The following PDE5A variants were observed in gnomAD, a reference collection of about 807,000 sequenced individuals.
PDE5A encodes phosphodiesterase 5A, also known as cGMP-specific 3',5'-cyclic phosphodiesterase.
In PDE5A, 67 loss-of-function variants were observed where a neutral mutation model predicts 110.2. That is an observed-to-expected ratio of 0.61 (90% CI 0.50 to 0.75). The LOEUF is 0.75. PDE5A is among the 30% of genes least tolerant of loss of function. The pLI is 0.00. For synonymous variants in PDE5A, 328 were observed against 351.2 expected, an observed-to-expected ratio of 0.93 and a Z score of 0.74; for missense variants, 862 against 1,045.1, an observed-to-expected ratio of 0.82 and a Z score of 2.42.
At chr4:119,514,981 G>A (rs1458428094) in intron 14 of PDE5A, among the ~76,000 whole-genome samples, 1 of 152,166 alleles carries the variant, frequency 6.6e-6, no homozygotes, top group Non-Finnish European at 1.5e-5. Context: ...TCTGGCTCAA[G>A]TTGGCTCTTA....
At position 119,627,024 on chromosome 4, in the gene PDE5A, A is replaced by G. The variant is rs955980625; in HGVS notation, c.152+1496T>C. 2.9e-6 allele frequency: 3 copies of G among 1,048,858 alleles called. No individual in the cohort carries two copies. Among genetic ancestry groups the G allele is most frequent in the Non-Finnish European group, 4.3e-6 (3 of 702,106 alleles). 65.0% of individuals were successfully genotyped at this position (1,048,858 alleles called of 1,614,324 possible). On this transcript the variant is annotated intron_variant, in intron 1 of 20. Coordinates refer to ENST00000354960, the MANE Select transcript of PDE5A (RefSeq NM_001083.4). This position sits in a 1 kb window ranked among gnomAD's most constrained non-coding sequence, Gnocchi z 4.6. ...AAGAATAACAACAACAACAAAAGTT[A>G]TACAGTCAATTTTCAATGATACATC...
intron 9 of PDE5A, among the ~76,000 whole-genome samples, chr4:119,550,599 A>G (rs1479785815): frequency 2.6e-5 from 4 of 152,156 alleles, no homozygotes. Context: ...AACTTCCTCC[A>G]GCCACTCCCC....
chr4:119,506,436 G>C (rs980790728), intron 16 of PDE5A, among the ~76,000 whole-genome samples: 3 of 151,764 alleles, frequency 2.0e-5, no homozygotes, highest in Admixed American at 6.6e-5. Context: ...TTGGTGTACA[G>C]TGAATACCTC....
intron 2 of PDE5A, among the ~76,000 whole-genome samples, chr4:119,603,374 A>G (rs1021057659): frequency 2.5e-5 from 2 of 78,984 alleles, no homozygotes; most frequent in African/African-American, 8.5e-5. Context: ...GGCTTAAAAT[A>G]AATACATACA....
At chr4:119,555,393 T>G (rs974603864) in intron 7 of PDE5A, among the ~76,000 whole-genome samples, 4 of 152,144 alleles carry the variant, frequency 2.6e-5, no homozygotes, top group African/African-American at 9.7e-5. Flanking sequence ...TTCATACATA[T>G]TATTTGAGTG....
At chr4:119,624,900 T>C (rs1204747832) in intron 1 of PDE5A, among the ~76,000 whole-genome samples, 1 of 152,240 alleles carries the variant, frequency 6.6e-6, no homozygotes, top group Non-Finnish European at 1.5e-5. Context: ...AGATGTGATT[T>C]ATTGGCCTCA....
intron 1 of PDE5A, among the ~76,000 whole-genome samples, chr4:119,615,608 C>T (rs1729909625): frequency 2.2e-5 from 2 of 91,118 alleles, no homozygotes; most frequent in Non-Finnish European, 4.4e-5. Flanking sequence ...CAGACTCCTA[C>T]TAAGTTCAAA....
intron 1 of PDE5A, among the ~76,000 whole-genome samples, chr4:119,618,271 T>C (rs1730011436): frequency 6.6e-6 from 1 of 152,152 alleles, no homozygotes; most frequent in African/African-American, 2.4e-5. Flanking sequence ...GAATATTAAG[T>C]GGAGTATATT....
intron 3 of PDE5A, among the ~76,000 whole-genome samples, chr4:119,568,128 T>TTC (rs576788579): frequency 3.3e-5 from 5 of 151,624 alleles, no homozygotes; most frequent in Non-Finnish European, 5.9e-5. Flanking sequence ...CTTAACATTT[T>TTC]TCTCTCTCTC....
At chr4:119,564,651 CA>C (rs1260027472) in intron 5 of PDE5A, among the ~76,000 whole-genome samples, 1 of 151,824 alleles carries the variant, frequency 6.6e-6, no homozygotes, top group Non-Finnish European at 1.5e-5. Context: ...TATACTAGAG[CA>C]AAGAGTTCAA....
intron 3 of PDE5A, among the ~76,000 whole-genome samples, chr4:119,580,153 A>C (rs1175428183): frequency 2.6e-5 from 4 of 152,150 alleles, no homozygotes; most frequent in Non-Finnish European, 5.9e-5. Flanking sequence ...TGCTTGGCAT[A>C]ATTATTGATC....
chr4:119,616,519 C>G (rs1032989490), intron 1 of PDE5A, among the ~76,000 whole-genome samples: 1 of 152,102 alleles, frequency 6.6e-6, no homozygotes, highest in Non-Finnish European at 1.5e-5. Flanking sequence ...ATATAAAAAT[C>G]AGTGTCATTA....
rs1003005965 is a variant in PDE5A at position 119,544,054 on chromosome 4, C to A, written c.1397-1420G>T. ...TTAATGAAAGAATGTAGAATTGCAG[C>A]TCTGACTGTAACTAGTTTCCCATGA... On this transcript the variant is annotated intron_variant, in intron 9 of 20. Coordinates refer to ENST00000354960, the MANE Select transcript of PDE5A (RefSeq NM_001083.4). Among the ~76,000 whole-genome samples the A allele has an allele frequency of 3.3e-5, 5 of 152,170 alleles. No homozygotes were observed. The South Asian group carries it at 1.0e-3, about 32-fold the overall frequency.
intron 3 of PDE5A, among the ~76,000 whole-genome samples, chr4:119,591,345 C>A (rs1250920682): frequency 6.6e-6 from 1 of 152,202 alleles, no homozygotes; most frequent in Non-Finnish European, 1.5e-5. Context: ...CCCAATAACC[C>A]TTTAAGGTAG....
At chr4:119,554,778 G>A (rs1259193904) in intron 7 of PDE5A, among the ~76,000 whole-genome samples, 1 of 152,028 alleles carries the variant, frequency 6.6e-6, no homozygotes, top group Non-Finnish European at 1.5e-5. Flanking sequence ...TTAAACAATA[G>A]TACAACATAA....
intron 20 of PDE5A, among the ~76,000 whole-genome samples, chr4:119,500,460 T>A (rs1322742130): frequency 3.9e-5 from 6 of 152,004 alleles, no homozygotes; most frequent in Admixed American, 3.9e-4. Flanking sequence ...ACTTTACAAG[T>A]TCAATTACTA....
At chr4:119,603,133 T>C (rs1180384296) in intron 2 of PDE5A, among the ~76,000 whole-genome samples, 1 of 152,246 alleles carries the variant, frequency 6.6e-6, no homozygotes, top group African/African-American at 2.4e-5. Flanking sequence ...CACATTTATA[T>C]AGTAGTTCTG....
Position 119,562,893 on chromosome 4 carries a change from A to T in PDE5A, c.1071T>A (p.Thr357=), listed in dbSNP as rs202018090. The T allele has an allele frequency of 1.3e-4, 212 of 1,601,030 alleles. No homozygotes were observed. Among genetic ancestry groups the T allele is most frequent in the Non-Finnish European group, 1.7e-4 (194 of 1,174,712 alleles). ...TCTGCACTTGCATGAAAGAGATAAT[A>T]GTGGCAGCTATTTTCTTCAAAATTA... ...LEVILKKIAA[T]IISFMQVQKC... is the part of the protein sequence containing the mutation. The change falls in exon 6 of 21, where the codon ACT becomes ACA. Residue 357 remains threonine (T), a synonymous_variant. Coordinates refer to ENST00000354960, the MANE Select transcript of PDE5A (RefSeq NM_001083.4).
intron 4 of PDE5A, among the ~76,000 whole-genome samples, chr4:119,566,618 G>A (rs897375022): frequency 1.3e-5 from 2 of 152,074 alleles, no homozygotes; most frequent in African/African-American, 2.4e-5. Context: ...ATACCTTGGC[G>A]CCCCACTGTC....
Sources: allele counts gnomAD v4.1 joint callset (sites outside exome capture counted in the v4.1 genomes callset), GRCh38; gene constraint gnomAD v4.1.1; non-coding constraint Gnocchi (gnomAD v3.1); transcripts MANE v1.5; gene names NCBI Gene and HGNC (gene_info 2026-07-23, HGNC 2026-07-21).